CDC123: variants seen among roughly 807,000 people sequenced by gnomAD.
CDC123 encodes the protein cell division cycle 123, also known as translation initiation factor eIF2 assembly protein.
In CDC123, 37 loss-of-function variants were observed where a neutral mutation model predicts 54.4. The observed-to-expected ratio is 0.68, with a 90% CI of 0.52 to 0.89. The LOEUF is 0.89. Among genes scored for constraint, CDC123 ranks in the 40% least tolerant of loss-of-function variants. The probability of loss-of-function intolerance (pLI) is 0.00; values close to 1 mark genes in which losing one functional copy is unlikely to be tolerated. For synonymous variants in CDC123, 144 were observed against 136.8 expected, an observed-to-expected ratio of 1.05 and a Z score of -0.37; for missense variants, 361 against 412.1, an observed-to-expected ratio of 0.88 and a Z score of 1.07.
chr10:12,196,237 A>G lies in CDC123; in HGVS notation c.-9A>G. The G allele has an allele frequency of 6.2e-7, 1 of 1,613,934 alleles. No individual in the cohort carries two copies. Among genetic ancestry groups the G allele is most frequent in the Non-Finnish European group, 8.5e-7 (1 of 1,179,912 alleles). Reference sequence around the variant, plus strand: ...GAGAGGGAAAGGCAGCAGCGGCGGCAGCTGGAGGATGAAGAAGGAGCATGT... The same window carrying G: ...GAGAGGGAAAGGCAGCAGCGGCGGCGGCTGGAGGATGAAGAAGGAGCATGT... On this transcript the variant is annotated 5_prime_UTR_variant, in exon 1 of 13. Coordinates refer to ENST00000281141, the MANE Select transcript of CDC123 (RefSeq NM_006023.3).
At chr10:12,215,700 A>T (rs375740680) in intron 4 of CDC123, 40 bp from the exon 5 acceptor site, 12 of 1,207,988 alleles carry the variant, frequency 9.9e-6, no homozygotes, top group Non-Finnish European at 1.3e-5. Flanking sequence ...ATATACTGTG[A>T]TGATATTGAC....
intron 2 of CDC123, among the ~76,000 whole-genome samples, chr10:12,201,113 C>G (rs1835434141): frequency 6.6e-6 from 1 of 152,162 alleles, no homozygotes; most frequent in African/African-American, 2.4e-5. Context: ...TTGCTATTTT[C>G]TAGCCCTTCC....
chr10:12,243,479 T>G (rs1009341229), intron 10 of CDC123, among the ~76,000 whole-genome samples: 1 of 151,484 alleles, frequency 6.6e-6, no homozygotes, highest in East Asian at 1.9e-4. Context: ...AATGAGTTAG[T>G]TTTACTGACT....
chr10:12,201,801 G>T (rs191156815), intron 2 of CDC123, among the ~76,000 whole-genome samples: 1 of 152,150 alleles, frequency 6.6e-6, no homozygotes, highest in Non-Finnish European at 1.5e-5. Context: ...AATGGAAGAC[G>T]GGTTAGGAGG....
intron 10 of CDC123, among the ~76,000 whole-genome samples, chr10:12,243,352 C>T (rs1187368008): frequency 6.8e-6 from 1 of 146,536 alleles, no homozygotes; most frequent in Non-Finnish European, 1.5e-5. Flanking sequence ...GAGCCGAGAT[C>T]TCACCATTGC....
chr10:12,241,454 T>A (rs1262243548), intron 10 of CDC123, among the ~76,000 whole-genome samples: 1 of 152,170 alleles, frequency 6.6e-6, no homozygotes, highest in Non-Finnish European at 1.5e-5. Context: ...CAATATTGGA[T>A]GTTTGGCTTT....
rs968508731 is a variant in CDC123, at chr10:12,234,750, A to AT, written c.490-278dup. On this transcript the variant is annotated intron_variant, in intron 7 of 12. Transcript: ENST00000281141. ...CTATTCCCTACATCTCATGTGAAGA[A>AT]TTTTTTTTTTTTTTTTTTTTGAGAT... Among the ~76,000 whole-genome samples the AT allele has an allele frequency of 8.0e-3, 1,065 of 133,928 alleles. 8 individuals carry two copies. The highest frequency in any genetic ancestry group is 0.018 in the African/African-American group (654 of 36,158). The allele number at this position is 133,928 out of a possible 152,430, so 87.9% of individuals were successfully genotyped here.
chr10:12,229,389 C>A (rs1276175458), intron 6 of CDC123, among the ~76,000 whole-genome samples: 3 of 152,212 alleles, frequency 2.0e-5, no homozygotes, highest in African/African-American at 7.2e-5. Flanking sequence ...TTCTCTTTGT[C>A]CAGAGTTTCT....
intron 2 of CDC123, among the ~76,000 whole-genome samples, chr10:12,201,997 C>T (rs926893699): frequency 1.3e-5 from 2 of 152,164 alleles, no homozygotes; most frequent in Non-Finnish European, 2.9e-5. Flanking sequence ...TGGTCATTTG[C>T]TCAGGTTGAG....
intron 2 of CDC123, among the ~76,000 whole-genome samples, chr10:12,206,255 A>G (rs143637528): frequency 6.0e-4 from 91 of 152,368 alleles, no homozygotes; most frequent in African/African-American, 2.0e-3. Flanking sequence ...CAAATATGGT[A>G]AGTGATTTTT....
At chr10:12,248,357 A>G (rs1194290755) in intron 11 of CDC123, among the ~76,000 whole-genome samples, 1 of 151,434 alleles carries the variant, frequency 6.6e-6, no homozygotes, top group Non-Finnish European at 1.5e-5. Context: ...AAAATACAAA[A>G]AATTAGCTGG....
intron 6 of CDC123, among the ~76,000 whole-genome samples, chr10:12,225,123 G>A (rs1349674033): frequency 2.6e-5 from 4 of 152,108 alleles, no homozygotes; most frequent in Non-Finnish European, 5.9e-5. Context: ...GGCTGGGTGC[G>A]GTGGCTCACA....
At chr10:12,207,456 T>C (rs1418290506) in intron 2 of CDC123, among the ~76,000 whole-genome samples, 1 of 152,230 alleles carries the variant, frequency 6.6e-6, no homozygotes, top group Non-Finnish European at 1.5e-5. Context: ...CTTTTTTCTC[T>C]CCTTTTTGAA....
At chr10:12,248,399 C>T (rs1265066188) in intron 11 of CDC123, among the ~76,000 whole-genome samples, 7 of 151,516 alleles carry the variant, frequency 4.6e-5, no homozygotes, top group Non-Finnish European at 8.8e-5. Flanking sequence ...ATCCCAGCTA[C>T]TTGGGAGGCT....
intron 4 of CDC123, among the ~76,000 whole-genome samples, chr10:12,213,076 A>G (rs1835623738): frequency 6.6e-6 from 1 of 152,256 alleles, no homozygotes; most frequent in South Asian, 2.1e-4. Context: ...GGAATTAGGA[A>G]TTACTATTTG....
intron 7 of CDC123, among the ~76,000 whole-genome samples, chr10:12,234,659 G>A (rs1289910961): frequency 2.6e-5 from 4 of 152,074 alleles, no homozygotes; most frequent in Non-Finnish European, 5.9e-5. Flanking sequence ...TATGTGACAA[G>A]GATGCATTTT....
intron 6 of CDC123, among the ~76,000 whole-genome samples, chr10:12,228,264 A>G (rs1247886596): frequency 6.6e-6 from 1 of 152,088 alleles, no homozygotes; most frequent in East Asian, 1.9e-4. Context: ...AATAACTGTT[A>G]AGCTTAATTA....
chr10:12,221,801 CT>C (rs1404543863), intron 6 of CDC123, among the ~76,000 whole-genome samples: 1 of 146,408 alleles, frequency 6.8e-6, no homozygotes, highest in African/African-American at 2.6e-5. Context: ...TTTTTATTTA[CT>C]TATTTTTTAG....
At chr10:12,214,459 A>T (rs2131739660) in intron 4 of CDC123, among the ~76,000 whole-genome samples, 1 of 152,250 alleles carries the variant, frequency 6.6e-6, no homozygotes, top group Non-Finnish European at 1.5e-5. Flanking sequence ...AACCTCTCTA[A>T]ATTACTCTAG....
Sources: gnomAD v4.1 joint callset for allele counts (sites outside exome capture counted in the v4.1 genomes callset) on GRCh38, gnomAD v4.1.1 for gene constraint, MANE v1.5 for transcripts, NCBI Gene and HGNC (gene_info 2026-07-23, HGNC 2026-07-21) for gene names.